PTK2: variants seen among roughly 807,000 people sequenced by gnomAD.
The protein encoded by PTK2 is protein tyrosine kinase 2.
In PTK2, 45 loss-of-function variants were observed where a neutral mutation model predicts 150.1. That is an observed-to-expected ratio of 0.30 (90% CI 0.24 to 0.38). The LOEUF (loss-of-function observed/expected upper bound fraction) is 0.38. Among genes scored for constraint, PTK2 ranks in the 10% least tolerant of loss-of-function variants. PTK2 has a pLI of 1.00. For synonymous variants in PTK2, 432 were observed against 449.2 expected, an observed-to-expected ratio of 0.96 and a Z score of 0.48; for missense variants, 919 against 1,307.3, an observed-to-expected ratio of 0.70 and a Z score of 4.58.
At chr8:140,953,704 G>T (rs1438973891) in intron 1 of PTK2, among the ~76,000 whole-genome samples, 1 of 152,104 alleles carries the variant, frequency 6.6e-6, no homozygotes, top group East Asian at 1.9e-4. Flanking sequence ...CACAGACTGG[G>T]GGGAGGGAGC....
chr8:140,798,000 A>G (rs539000139), intron 12 of PTK2, among the ~76,000 whole-genome samples: 6 of 150,694 alleles, frequency 4.0e-5, no homozygotes, highest in African/African-American at 1.4e-4. Flanking sequence ...TAGATCAAAG[A>G]ACTAACAAAA....
chr8:140,977,777 C>A (rs1221380862), intron 1 of PTK2, among the ~76,000 whole-genome samples: 4 of 151,764 alleles, frequency 2.6e-5, no homozygotes, highest in African/African-American at 9.7e-5. Flanking sequence ...AGAGAGATTC[C>A]TTAAAAAAAT....
At chr8:140,970,037 T>A (rs1588030626) in intron 1 of PTK2, among the ~76,000 whole-genome samples, 1 of 152,220 alleles carries the variant, frequency 6.6e-6, no homozygotes, top group East Asian at 1.9e-4. Flanking sequence ...CTTCTGAAAC[T>A]AAGACCTAGA....
intron 1 of PTK2, among the ~76,000 whole-genome samples, chr8:140,945,405 T>A (rs1436047885): frequency 6.6e-6 from 1 of 152,050 alleles, no homozygotes; most frequent in Non-Finnish European, 1.5e-5. Flanking sequence ...GGCAGCATAG[T>A]GAGAGCCTTC....
At chr8:140,921,067 C>T (rs1025516787) in intron 2 of PTK2, 23 of 1,317,202 alleles carry the variant, frequency 1.7e-5, no homozygotes, top group Non-Finnish European at 2.2e-5. Context: ...GGTGTTCCTT[C>T]TGTAATATTT....
intron 1 of PTK2, among the ~76,000 whole-genome samples, chr8:140,977,420 G>A (rs564635649): frequency 1.6e-4 from 25 of 152,148 alleles, no homozygotes; most frequent in African/African-American, 5.1e-4. Flanking sequence ...TCAGGAGATC[G>A]AGACCATCCT....
intron 29 of PTK2, among the ~76,000 whole-genome samples, chr8:140,671,823 T>G (rs1384979335): frequency 6.8e-6 from 1 of 148,134 alleles, no homozygotes; most frequent in Non-Finnish European, 1.5e-5. Context: ...TCCCAGCTAC[T>G]TGGGATGATG....
At chr8:140,769,530 A>G (rs2100074373) in intron 14 of PTK2, 45 bp downstream of exon 16, 1 of 1,251,756 alleles carries the variant, frequency 8.0e-7, no homozygotes, top group Non-Finnish European at 1.1e-6. Context: ...ATTTTCATAA[A>G]TAATTATCTC....
In PTK2 at chr8:140,682,411, T is replaced by C. The variant is rs141440533; in HGVS notation, c.2562+4221A>G. ...CAACAACAACAAAAAATTTAGCAAA[T>C]GACAGCGTGTGTTAACAACGGCTAA... is the stretch of plus-strand genomic sequence containing the variant. On this transcript the variant is annotated intron_variant, in intron 27 of 31. Coordinates refer to ENST00000522684, the Ensembl canonical transcript of PTK2. Among the ~76,000 whole-genome samples, 89 of 152,218 alleles carry C rather than the reference T, an allele frequency of 5.8e-4. 1 individual carries two copies. The highest frequency in any genetic ancestry group is 2.0e-3 in the African/African-American group (83 of 41,544).
At chr8:140,681,638 G>A (rs1437967157) in intron 27 of PTK2, among the ~76,000 whole-genome samples, 12 of 152,096 alleles carry the variant, frequency 7.9e-5, no homozygotes, top group Non-Finnish European at 1.0e-4. Flanking sequence ...TTAGCCGGGC[G>A]TGGTGGCGGG....
chr8:140,753,603 G>A (rs897068008), intron 16 of PTK2, among the ~76,000 whole-genome samples: 1 of 152,220 alleles, frequency 6.6e-6, no homozygotes, highest in Middle Eastern at 3.2e-3. Context: ...AGGAGACTGA[G>A]AAGGGGTGAC....
rs1206283996 is a variant in PTK2 at position 140,700,960 on chromosome 8, C to G, written c.2430G>C (p.Glu810Asp). The change falls in exon 26 of 32, where the codon GAG (glutamate) becomes GAC (aspartate). Residue 810 changes from glutamate to aspartate, a missense_variant. By Grantham distance (45) the Glu-to-Asp change is conservative (BLOSUM62 2). Around this residue, in one of 3 missense-constraint regions of PTK2, gnomAD observed 258 missense variants for 265.4 expected, o/e 0.97. Transcript: ENST00000522684. The stretch of plus-strand genomic sequence containing the variant: ...TTTCCTGTTGCTGTCGGATTAGACG[C>G]TCTTCCATCAGATGGGTTGGCAACA... 3 of 1,614,130 alleles carry G rather than the reference C, an allele frequency of 1.9e-6. No homozygotes were observed. In the Admixed American group the frequency reaches 5.0e-5, roughly 27 times the overall value.
At chr8:140,852,291 A>G (rs974780972) in intron 5 of PTK2, among the ~76,000 whole-genome samples, 4 of 152,226 alleles carry the variant, frequency 2.6e-5, no homozygotes, top group African/African-American at 9.6e-5. Flanking sequence ...ACAACAGATC[A>G]GTGCTTGCTA....
At chr8:140,907,820 G>A (rs28437275) in intron 2 of PTK2, among the ~76,000 whole-genome samples, 3,362 of 152,244 alleles carry the variant, frequency 0.022, 133 homozygotes, top group African/African-American at 0.078. Flanking sequence ...ATACGTGTGT[G>A]TCCTAACTGC....
At chr8:140,928,924 A>T (rs927494451) in intron 1 of PTK2, among the ~76,000 whole-genome samples, 2 of 147,012 alleles carry the variant, frequency 1.4e-5, no homozygotes, top group Middle Eastern at 3.5e-3. Context: ...TAAATGTCAA[A>T]TTTCACATTT....
At chr8:140,940,912 G>C (rs898700324) in intron 1 of PTK2, among the ~76,000 whole-genome samples, 17 of 152,144 alleles carry the variant, frequency 1.1e-4, no homozygotes, top group African/African-American at 4.1e-4. Context: ...AGTGGTTGCA[G>C]TGAGCTGAGA....
At chr8:140,803,005 CTT>C (rs778981723) in intron 11 of PTK2, among the ~76,000 whole-genome samples, 252 of 77,304 alleles carry the variant, frequency 3.3e-3, no homozygotes, top group African/African-American at 0.011. Flanking sequence ...TGATGACAAT[CTT>C]TTTTTTTTTT....
intron 27 of PTK2, among the ~76,000 whole-genome samples, chr8:140,681,981 T>C (rs1200736594): frequency 6.6e-6 from 1 of 152,212 alleles, no homozygotes; most frequent in East Asian, 1.9e-4. Context: ...ACACTAGGCA[T>C]AAATAGGTTA....
chr8:140,998,678 G>C (rs1294472392), intron 1 of PTK2, among the ~76,000 whole-genome samples: 1 of 151,974 alleles, frequency 6.6e-6, no homozygotes, highest in East Asian at 1.9e-4. Context: ...AATTAGCCGG[G>C]CGTGGTGGCG....
Sources: allele counts gnomAD v4.1 joint callset (sites outside exome capture counted in the v4.1 genomes callset), GRCh38; gene constraint gnomAD v4.1.1; regional missense constraint gnomAD v4.1.1; transcripts MANE v1.5; gene names NCBI Gene and HGNC (gene_info 2026-07-23, HGNC 2026-07-21).